The following RBM19 variants were observed in gnomAD, a reference collection of about 807,000 sequenced individuals.
RBM19 encodes probable RNA-binding protein 19.
A neutral mutation model predicts 116.8 loss-of-function variants in RBM19; 94 were observed. The observed-to-expected ratio is 0.80, with a 90% CI of 0.68 to 0.95. RBM19 has a LOEUF of 0.95. Among genes scored for constraint, RBM19 ranks in the 40% least tolerant of loss-of-function variants. RBM19 has a pLI of 0.00. For missense variants in RBM19, 1,161 were observed against 1,220.7 expected (o/e 0.95, Z 0.73); for synonymous variants, 475 against 494.1 (o/e 0.96, Z 0.51).
At chr12:113,834,759 G>C (rs564663678) in intron 23 of RBM19, among the ~76,000 whole-genome samples, 3 of 152,296 alleles carry the variant, frequency 2.0e-5, no homozygotes, top group East Asian at 3.9e-4. Context: ...GAACACCCAG[G>C]TATAGACATT....
At chr12:113,832,391 T>G (rs1367834387) in intron 23 of RBM19, among the ~76,000 whole-genome samples, 2 of 152,166 alleles carry the variant, frequency 1.3e-5, no homozygotes. Context: ...GGCTTCGCTG[T>G]GTTGGCCAGG....
chr12:113,818,702 T>C (rs936483374), downstream of RBM19, among the ~76,000 whole-genome samples: 2 of 152,228 alleles, frequency 1.3e-5, no homozygotes, highest in African/African-American at 4.8e-5. Context: ...TTGAAAGACA[T>C]GGAACGCAAG....
chr12:113,851,095 C>G lies in RBM19; in HGVS notation c.2665-6307G>C, dbSNP rs546911916. 1.1e-4 allele frequency among the ~76,000 whole-genome samples: 16 copies of G among 152,352 alleles called. No individual in the cohort carries two copies. The South Asian group carries it at 2.7e-3, about 26-fold the overall frequency. The stretch of plus-strand genomic sequence containing the variant: ...ACCTCACTAGCTGCTTCCATCCTCA[C>G]AGGGTAGCTGTCTGCTAGGCAGGAG... On this transcript the variant is annotated intron_variant, in intron 22 of 23. Transcript: ENST00000261741.
At chr12:113,958,309 T>C (rs1343202485) in intron 5 of RBM19, among the ~76,000 whole-genome samples, 1 of 152,196 alleles carries the variant, frequency 6.6e-6, no homozygotes, top group African/African-American at 2.4e-5. Context: ...CCTAGTCCTC[T>C]ACACGGCAGC....
At chr12:113,868,914 C>A (rs1253126602) in intron 21 of RBM19, among the ~76,000 whole-genome samples, 1 of 152,146 alleles carries the variant, frequency 6.6e-6, no homozygotes, top group African/African-American at 2.4e-5. Context: ...GGTTCAGATC[C>A]CAGCCCGGCA....
At chr12:113,935,329 G>C (rs143100558) in intron 16 of RBM19, among the ~76,000 whole-genome samples, 27 of 152,234 alleles carry the variant, frequency 1.8e-4, no homozygotes, top group African/African-American at 6.5e-4. Flanking sequence ...CATTACTTAG[G>C]TTCAAGGGTG....
At chr12:113,846,587 C>A (rs922155520) in intron 22 of RBM19, among the ~76,000 whole-genome samples, 5 of 152,134 alleles carry the variant, frequency 3.3e-5, no homozygotes, top group African/African-American at 1.2e-4. Context: ...GTCTACAAAC[C>A]AAGGATGCCA....
At chr12:113,959,975 TG>T in intron 3 of RBM19, 72 bp from the exon 4 acceptor site, 1 of 1,613,436 alleles carries the variant, frequency 6.2e-7, no homozygotes. Context: ...TGCACTGACC[TG>T]GGAGGGCCCA....
intron 22 of RBM19, among the ~76,000 whole-genome samples, chr12:113,851,466 G>T (rs1388310125): frequency 6.6e-6 from 1 of 152,168 alleles, no homozygotes; most frequent in African/African-American, 2.4e-5. Context: ...GAGGGCCAAT[G>T]CCAGGGACCC....
chr12:113,936,903 A>G (rs1317325905), intron 16 of RBM19, 104 bp downstream of exon 16: 7 of 1,436,664 alleles, frequency 4.9e-6, no homozygotes, highest in Non-Finnish European at 6.6e-6. Context: ...ATGAACAAAG[A>G]GCTTTAAACC....
chr12:113,909,603 G>A (rs557057205), intron 21 of RBM19, among the ~76,000 whole-genome samples: 58 of 152,094 alleles, frequency 3.8e-4, no homozygotes, highest in Non-Finnish European at 6.5e-4. Flanking sequence ...AGCGAAATCG[G>A]GTCTTGACTG....
intron 12 of RBM19, 34 bp downstream of exon 12, chr12:113,946,320 G>C: frequency 6.2e-7 from 1 of 1,613,974 alleles, no homozygotes; most frequent in Non-Finnish European, 8.5e-7. Context: ...GAGGGTTGGG[G>C]TTGGAGCTCA....
chr12:113,960,846 G>A (rs1872431465), intron 2 of RBM19, among the ~76,000 whole-genome samples: 1 of 152,194 alleles, frequency 6.6e-6, no homozygotes, highest in Non-Finnish European at 1.5e-5. Flanking sequence ...GAAGAGTACT[G>A]GAGACCCAGC....
chr12:113,851,862 C>T (rs1273695630), intron 22 of RBM19, among the ~76,000 whole-genome samples: 2 of 151,816 alleles, frequency 1.3e-5, no homozygotes, highest in East Asian at 3.9e-4. Flanking sequence ...ACTAGCCTGA[C>T]CAACATGGAG....
chr12:113,941,509 A>G (rs1870563269), intron 14 of RBM19, among the ~76,000 whole-genome samples: 1 of 134,956 alleles, frequency 7.4e-6, no homozygotes. Context: ...GTAAGTCTTA[A>G]TAAATGTTAG....
intron 22 of RBM19, among the ~76,000 whole-genome samples, chr12:113,854,861 C>T (rs759041041): frequency 1.3e-5 from 2 of 152,180 alleles, no homozygotes; most frequent in African/African-American, 2.4e-5. Context: ...ATCTCCCACC[C>T]GATGCTGGAG....
intron 23 of RBM19, among the ~76,000 whole-genome samples, chr12:113,829,247 C>G (rs1875154509): frequency 6.6e-6 from 1 of 152,228 alleles, no homozygotes; most frequent in Admixed American, 6.5e-5. Flanking sequence ...TCCTAACGTG[C>G]TGGGATTATA....
At chr12:113,838,441 G>A (rs530317947) in intron 23 of RBM19, among the ~76,000 whole-genome samples, 5 of 152,094 alleles carry the variant, frequency 3.3e-5, no homozygotes, top group Non-Finnish European at 4.4e-5. Context: ...CAAACTCCAC[G>A]GGGAGAACAT....
chr12:113,869,091 A>G (rs3782443), intron 21 of RBM19, among the ~76,000 whole-genome samples: 10,037 of 152,198 alleles, frequency 0.066, 642 homozygotes, highest in East Asian at 0.34. Context: ...AAGGATCTAT[A>G]TTGGTGCCAA....
Sources: gnomAD v4.1 joint callset for allele counts (sites outside exome capture counted in the v4.1 genomes callset) on GRCh38, gnomAD v4.1.1 for gene constraint, MANE v1.5 for transcripts, NCBI Gene and HGNC (gene_info 2026-07-23, HGNC 2026-07-21) for gene names.